Variants in ENTPD5 observed in about 807,000 individuals in gnomAD.
ENTPD5 encodes the protein ectonucleoside triphosphate diphosphohydrolase 5 (inactive).
A neutral mutation model predicts 60.2 loss-of-function variants in ENTPD5; 49 were observed. The observed-to-expected ratio is 0.81, with a 90% CI of 0.65 to 1.03. ENTPD5 has a LOEUF of 1.03. Ranked by LOEUF, ENTPD5 falls within the 50% of genes least tolerant of loss-of-function variation. The pLI, the probability that ENTPD5 is intolerant of heterozygous loss-of-function variation, is 0.00. For synonymous variants in ENTPD5, 187 were observed against 185.4 expected, an observed-to-expected ratio of 1.01 and a Z score of -0.07; for missense variants, 480 against 507.6, an observed-to-expected ratio of 0.95 and a Z score of 0.52.
chr14:73,982,350 C>T (rs2057726232), intron 6 of ENTPD5, among the ~76,000 whole-genome samples: 1 of 152,170 alleles, frequency 6.6e-6, no homozygotes, highest in South Asian at 2.1e-4. Flanking sequence ...GCTGGGATTA[C>T]AGGTGTGAGC....
rs558328383 is a variant in ENTPD5 at position 73,964,086 on chromosome 14, C to T, written c.*2842G>A. On this transcript the variant is annotated 3_prime_UTR_variant, in exon 16 of 16. Coordinates refer to ENST00000334696, the MANE Select transcript of ENTPD5 (RefSeq NM_001249.5). ...ACTGCAGGGACAAGGTCATCTTTCA[C>T]AAAAAATGGAAAGGTGGCCTAGATG... The T allele has an allele frequency of 6.6e-6, 1 of 152,168 alleles. No homozygotes were observed. The highest frequency in any genetic ancestry group is 2.4e-5 in the African/African-American group (1 of 41,528). The allele number at this position is 152,168 out of a possible 1,614,324, so 9.4% of individuals were successfully genotyped here.
chr14:73,993,935 CAAA>C (rs74268172), intron 3 of ENTPD5, among the ~76,000 whole-genome samples: 13 of 57,682 alleles, frequency 2.3e-4, no homozygotes, highest in South Asian at 8.5e-4. Flanking sequence ...CAAAAAAAAA[CAAA>C]CAAAAAACCC....
At chr14:73,973,789 T>C in intron 12 of ENTPD5, 88 bp downstream of exon 12, 1 of 1,113,204 alleles carries the variant, frequency 9.0e-7, no homozygotes, top group Non-Finnish European at 1.4e-6. Context: ...GATAAGCTTC[T>C]CTTGAGTTCT....
chr14:73,975,131 C>A, intron 10 of ENTPD5, 146 bp from the exon 11 acceptor site: 1 of 656,046 alleles, frequency 1.5e-6, no homozygotes, highest in Non-Finnish European at 2.7e-6. Context: ...CTCCTGTGGT[C>A]AACAAGGGGT....
intron 3 of ENTPD5, among the ~76,000 whole-genome samples, chr14:73,994,149 G>A (rs2058250473): frequency 6.6e-6 from 1 of 151,874 alleles, no homozygotes; most frequent in Admixed American, 6.6e-5. Flanking sequence ...ATTTTGAGAT[G>A]GAGTTTCACT....
chr14:73,973,647 C>T (rs1001478736), intron 12 of ENTPD5, among the ~76,000 whole-genome samples: 6 of 152,184 alleles, frequency 3.9e-5, no homozygotes, highest in African/African-American at 1.4e-4. Flanking sequence ...CACCACAGCA[C>T]TTGGCTAAGG....
At position 73,966,778 on chromosome 14, in the gene ENTPD5, C is replaced by A. The variant is rs2056988528; in HGVS notation, c.*150G>T. ...AGCTGTGTACTCTTGAGTGGTTAGG[C>A]AGCAGTTCACATTAGATGTGTAAAA... On this transcript the variant is annotated 3_prime_UTR_variant, in exon 16 of 16. Transcript: ENST00000334696. The A allele has an allele frequency of 3.3e-6, 2 of 614,242 alleles. No homozygotes were observed. The highest frequency in any genetic ancestry group is 4.0e-5 in the South Asian group (2 of 50,182). 38.0% of individuals were successfully genotyped at this position (614,242 alleles called of 1,614,324 possible).
chr14:74,001,049 T>TA (rs2058490781), intron 3 of ENTPD5, among the ~76,000 whole-genome samples: 1 of 151,968 alleles, frequency 6.6e-6, no homozygotes, highest in South Asian at 2.1e-4. Context: ...AGTGAGACCC[T>TA]ATCCGTATAA....
intron 4 of ENTPD5, 181 bp from the exon 5 acceptor site, chr14:73,987,074 G>A: frequency 2.8e-6 from 2 of 708,224 alleles, no homozygotes; most frequent in Admixed American, 2.0e-5. Context: ...CAACCTCTGA[G>A]GGTCCATTTC....
intron 1 of ENTPD5, among the ~76,000 whole-genome samples, chr14:74,017,242 T>C (rs113307751): frequency 0.093 from 13,777 of 148,894 alleles, 756 homozygotes; most frequent in South Asian, 0.27. Flanking sequence ...TGCTTGAACC[T>C]GGGAGGTGGA....
chr14:74,015,615 A>AGTGTTAGGATTACAG (rs1477807708), intron 2 of ENTPD5, among the ~76,000 whole-genome samples: 4 of 152,060 alleles, frequency 2.6e-5, no homozygotes, highest in Non-Finnish European at 5.9e-5. Flanking sequence ...GGCCTCCCAA[A>AGTGTTAGGATTACAG]GTGTTAGGAT....
At chr14:74,001,506 A>T (rs1426198994) in intron 3 of ENTPD5, among the ~76,000 whole-genome samples, 1 of 151,680 alleles carries the variant, frequency 6.6e-6, no homozygotes, top group African/African-American at 2.4e-5. Context: ...CATCCCAAAA[A>T]AAAAGAAAAA....
chr14:73,960,152 G>C (rs2056646597), downstream of ENTPD5: 1 of 988,408 alleles, frequency 1.0e-6, no homozygotes, highest in Non-Finnish European at 1.2e-6. Flanking sequence ...TTTCAAGCCT[G>C]ATTCATTGAA....
intron 6 of ENTPD5, among the ~76,000 whole-genome samples, chr14:73,978,728 T>C (rs985430218): frequency 1.3e-5 from 2 of 151,904 alleles, no homozygotes; most frequent in African/African-American, 4.8e-5. Context: ...CTGACCAACA[T>C]GGTGAAAACC....
At chr14:73,972,201 ACCT>A (rs1795363808) in intron 13 of ENTPD5, among the ~76,000 whole-genome samples, 1 of 151,792 alleles carries the variant, frequency 6.6e-6, no homozygotes, top group Admixed American at 6.6e-5. Context: ...ACATGGTGAA[ACCT>A]CGTCTCTATT....
At chr14:73,999,365 G>A (rs1342263703) in intron 3 of ENTPD5, among the ~76,000 whole-genome samples, 1 of 152,044 alleles carries the variant, frequency 6.6e-6, no homozygotes, top group Non-Finnish European at 1.5e-5. Flanking sequence ...GCATGCGCCT[G>A]TAATCCCAAC....
chr14:73,996,041 C>A lies in ENTPD5; in HGVS notation c.-70-7869G>T, dbSNP rs968157477. 6 of 617,072 alleles carry A rather than the reference C, an allele frequency of 9.7e-6. No homozygotes were observed. In the African/African-American group the frequency reaches 1.0e-4, roughly 10 times the overall value. 38.2% of individuals were successfully genotyped at this position (617,072 alleles called of 1,614,324 possible). A position where few individuals can be genotyped will look rare whatever the true frequency, so the allele number is the denominator to read the frequency against. ...AGAACGTCACACTCTGGCTTCCCTT[C>A]TTCCATGTCCCCGGAAGCCTGAGAG... On this transcript the variant is annotated intron_variant, in intron 3 of 15. Transcript: ENST00000334696.
At chr14:74,000,788 CAAA>C (rs1183505016) in intron 3 of ENTPD5, among the ~76,000 whole-genome samples, 1 of 151,030 alleles carries the variant, frequency 6.6e-6, no homozygotes, top group South Asian at 2.1e-4. Context: ...AAAACAACAA[CAAA>C]AAAAATGAAA....
intron 2 of ENTPD5, among the ~76,000 whole-genome samples, chr14:74,015,092 A>C (rs1267122739): frequency 7.2e-5 from 11 of 152,018 alleles, no homozygotes; most frequent in Non-Finnish European, 1.5e-4. Flanking sequence ...AAAAAAAAAA[A>C]AAAGAAAGTA....
Sources: gnomAD v4.1 joint callset for allele counts (sites outside exome capture counted in the v4.1 genomes callset) on GRCh38, gnomAD v4.1.1 for gene constraint, MANE v1.5 for transcripts, NCBI Gene and HGNC (gene_info 2026-07-23, HGNC 2026-07-21) for gene names.